The following DPYS variants were observed in gnomAD, a reference collection of about 807,000 sequenced individuals.
DPYS encodes the protein dihydropyrimidine amidohydrolase.
A neutral mutation model predicts 50.3 loss-of-function variants in DPYS; 39 were observed. The observed-to-expected ratio is 0.78, with a 90% CI of 0.60 to 1.01. The LOEUF (loss-of-function observed/expected upper bound fraction) is 1.01, where lower values mean the gene tolerates loss of function less well. Ranked by LOEUF, DPYS falls within the 50% of genes least tolerant of loss-of-function variation. The probability of loss-of-function intolerance (pLI) is 0.00; values close to 1 mark genes in which losing one functional copy is unlikely to be tolerated. For synonymous variants in DPYS, 245 were observed against 250.7 expected (o/e 0.98, Z 0.22); for missense variants, 659 against 680.9 (o/e 0.97, Z 0.36).
At chr8:104,429,807 C>T in intron 4 of DPYS, 106 bp from the exon 5 acceptor site, 1 of 1,414,002 alleles carries the variant, frequency 7.1e-7, no homozygotes. Flanking sequence ...AGGGTAATAT[C>T]TACAGTTTAG....
At chr8:104,433,522 T>C (rs1813022744) in intron 4 of DPYS, among the ~76,000 whole-genome samples, 1 of 152,084 alleles carries the variant, frequency 6.6e-6, no homozygotes, top group African/African-American at 2.4e-5. Flanking sequence ...TAGTCCCAGC[T>C]ACTTGGGAGG....
chr8:104,462,891 T>G (rs778025233), intron 1 of DPYS, among the ~76,000 whole-genome samples: 4 of 152,256 alleles, frequency 2.6e-5, no homozygotes, highest in Admixed American at 2.6e-4. Context: ...AAGCAGAACA[T>G]TATTTCCATT....
At position 104,466,644 on chromosome 8, in the gene DPYS, G is replaced by T. The variant is rs1209919543; in HGVS notation, c.264+13C>A. On this transcript the variant is annotated intron_variant, in intron 1 of 9. Coordinates refer to ENST00000351513, the MANE Select transcript of DPYS (RefSeq NM_001385.3). Reference sequence around the variant, plus strand: ...GTGGGTACCGCGGGGCGGGGGCGCGGCGGGGCGGGTACCTTGGTGCCCTGG... The same window carrying T: ...GTGGGTACCGCGGGGCGGGGGCGCGTCGGGGCGGGTACCTTGGTGCCCTGG... 8.0e-6 allele frequency: 12 copies of T among 1,502,686 alleles called. No homozygotes were observed. The highest frequency in any genetic ancestry group is 4.3e-5 in the African/African-American group (3 of 69,582). 93.1% of individuals were successfully genotyped at this position (1,502,686 alleles called of 1,614,324 possible).
intron 7 of DPYS, among the ~76,000 whole-genome samples, chr8:104,414,903 T>C (rs72667489): frequency 1.5e-3 from 231 of 152,324 alleles, no homozygotes; most frequent in Non-Finnish European, 2.9e-3. Context: ...ACAGGTCTGG[T>C]GACACTAACT....
chr8:104,449,887 A>T (rs2853180), intron 2 of DPYS, among the ~76,000 whole-genome samples: 108,593 of 152,078 alleles, frequency 0.71, 40,715 homozygotes, highest in Non-Finnish European at 0.84. Flanking sequence ...TGAGGCAGTA[A>T]ATGTCTGTTG....
intron 1 of DPYS, among the ~76,000 whole-genome samples, chr8:104,460,594 AC>A (rs1220027418): frequency 6.6e-6 from 1 of 152,170 alleles, no homozygotes; most frequent in African/African-American, 2.4e-5. Flanking sequence ...CCCAGGCCAG[AC>A]ATGTGAGAGA....
At chr8:104,417,188 G>T (rs1564092622) in intron 7 of DPYS, among the ~76,000 whole-genome samples, 2 of 152,174 alleles carry the variant, frequency 1.3e-5, no homozygotes, top group African/African-American at 2.4e-5. Context: ...AAATGTTCCA[G>T]TACACACAAT....
chr8:104,424,085 G>T, intron 7 of DPYS, 162 bp downstream of exon 7: 1 of 977,876 alleles, frequency 1.0e-6, no homozygotes, highest in Non-Finnish European at 1.2e-6. Context: ...AGGAATATTT[G>T]CACATCAAAA....
intron 1 of DPYS, among the ~76,000 whole-genome samples, chr8:104,460,470 C>A (rs925273815): frequency 6.6e-6 from 1 of 152,204 alleles, no homozygotes; most frequent in Non-Finnish European, 1.5e-5. Context: ...GTCATGCCTC[C>A]TGTACAGCCT....
intron 1 of DPYS, among the ~76,000 whole-genome samples, chr8:104,460,167 CCTT>C (rs1814073765): frequency 6.6e-6 from 1 of 152,140 alleles, no homozygotes. Context: ...ATCATGGAAA[CCTT>C]GATTTCTAGA....
At chr8:104,398,117 A>G (rs1258850410) in intron 7 of DPYS, among the ~76,000 whole-genome samples, 1 of 152,266 alleles carries the variant, frequency 6.6e-6, no homozygotes, top group Non-Finnish European at 1.5e-5. Context: ...GGCAGAAGCC[A>G]AAAACATGTC....
intron 1 of DPYS, among the ~76,000 whole-genome samples, chr8:104,462,746 C>T (rs974348438): frequency 5.3e-5 from 8 of 152,280 alleles, no homozygotes; most frequent in East Asian, 1.9e-4. Flanking sequence ...AGCAAAGTCA[C>T]GATTCTTTCA....
In DPYS at chr8:104,451,480, C is replaced by T. The variant is rs1344759564; in HGVS notation, c.265-76G>A. 9 of 1,587,922 alleles carry T rather than the reference C, an allele frequency of 5.7e-6. No homozygotes were observed. The East Asian group carries it at 2.0e-4, about 36-fold the overall frequency. ...GTCATTTATCATCTTGAACAATGTGCATTTGTAAGCACTTGGGCAAACTCG... is the reference window on the plus strand; with the variant it reads ...GTCATTTATCATCTTGAACAATGTGTATTTGTAAGCACTTGGGCAAACTCG... On this transcript the variant is annotated intron_variant, in intron 1 of 9. Transcript: ENST00000351513.
rs142969576 is a variant in DPYS at position 104,412,484 on chromosome 8, G to T, written c.1235+11763C>A. 1.4e-4 allele frequency among the ~76,000 whole-genome samples: 22 copies of T among 152,272 alleles called. No individual in the cohort carries two copies. In the East Asian group the frequency reaches 4.0e-3, roughly 28 times the overall value. ...TATATATTTCAAGCATTGTGTGTGC[G>T]GTTAGAATGATGAAATACGTGCAGA... is the stretch of plus-strand genomic sequence containing the variant. On this transcript the variant is annotated intron_variant, in intron 7 of 9. Coordinates refer to ENST00000351513, the MANE Select transcript of DPYS (RefSeq NM_001385.3).
chr8:104,466,763 T>G lies in DPYS; in HGVS notation c.158A>C (p.Asp53Ala). The G allele has an allele frequency of 6.5e-7, 1 of 1,534,400 alleles. No homozygotes were observed. ...GGGCAGGACGAGCTTGCCGGCGGCG[T>G]CGAGGACCCGCAGCCCCGCAGGAGC... ...GGAPAGLRVL[D>A]AAGKLVLPGG... The change falls in exon 1 of 10, where the codon GAC (aspartate) becomes GCC (alanine). Residue 53 changes from aspartate to alanine, a missense_variant. Coordinates refer to ENST00000351513, the MANE Select transcript of DPYS (RefSeq NM_001385.3).
intron 4 of DPYS, among the ~76,000 whole-genome samples, chr8:104,432,092 A>G (rs1812974742): frequency 1.3e-5 from 2 of 152,032 alleles, no homozygotes; most frequent in Admixed American, 6.6e-5. Context: ...GGTTTCAACA[A>G]CTCTTAGGAG....
chr8:104,381,230 T>A lies in DPYS; in HGVS notation c.1528A>T (p.Thr510Ser). 1 of 1,614,150 alleles carries A rather than the reference T, an allele frequency of 6.2e-7. No individual in the cohort carries two copies. Among genetic ancestry groups the A allele is most frequent in the South Asian group, 1.1e-5 (1 of 91,074 alleles). ...TGGGCCTGTTTCCTGGTCCCTGCTG[T>A]GGCATCTTCTTTTGTCACTCTGGAT... is the stretch of plus-strand genomic sequence containing the variant. ...LKSRVTKEDATAGTRKQAHP is the reference protein window; with the variant it reads ...LKSRVTKEDASAGTRKQAHP Residue 510 changes from threonine (T) to serine (S), a missense_variant, in exon 9 of 10, where the codon ACA (threonine) becomes TCA (serine). Transcript: ENST00000351513.
chr8:104,402,475 C>T (rs1811852816), intron 7 of DPYS, among the ~76,000 whole-genome samples: 2 of 152,152 alleles, frequency 1.3e-5, no homozygotes, highest in East Asian at 3.8e-4. Flanking sequence ...TTTTGGAAAG[C>T]TAGGCTATTA....
intron 7 of DPYS, among the ~76,000 whole-genome samples, chr8:104,423,579 T>TG (rs1207822239): frequency 6.6e-6 from 1 of 152,214 alleles, no homozygotes; most frequent in African/African-American, 2.4e-5. Flanking sequence ...AAGCATTTAA[T>TG]GGGATTTTCT....
Sources: allele counts gnomAD v4.1 joint callset (sites outside exome capture counted in the v4.1 genomes callset), GRCh38; gene constraint gnomAD v4.1.1; transcripts MANE v1.5; gene names NCBI Gene and HGNC (gene_info 2026-07-23, HGNC 2026-07-21).